GOLGA4: variants seen among roughly 807,000 people sequenced by gnomAD.
The protein encoded by GOLGA4 is golgin subfamily A member 4.
In GOLGA4, 169 loss-of-function variants were observed where a neutral mutation model predicts 265.9. The observed-to-expected ratio is 0.64, with a 90% CI of 0.56 to 0.72. The LOEUF (loss-of-function observed/expected upper bound fraction) is 0.72, where lower values mean the gene tolerates loss of function less well. Among genes scored for constraint, GOLGA4 ranks in the 30% least tolerant of loss-of-function variants. The probability of loss-of-function intolerance (pLI) is 0.00; values close to 1 mark genes in which losing one functional copy is unlikely to be tolerated. For synonymous variants in GOLGA4, 923 were observed against 855.8 expected (o/e 1.08, Z -1.37); for missense variants, 2,482 against 2,483.4 (o/e 1.00, Z 0.01).
chr3:37,278,716 T>C (rs1472808713), intron 2 of GOLGA4, among the ~76,000 whole-genome samples: 1 of 152,160 alleles, frequency 6.6e-6, no homozygotes, highest in Non-Finnish European at 1.5e-5. Context: ...AAAAATGGTA[T>C]TTATTGTGTA....
chr3:37,306,137 T>C (rs968561497), intron 10 of GOLGA4, among the ~76,000 whole-genome samples: 2 of 152,214 alleles, frequency 1.3e-5, no homozygotes, highest in African/African-American at 2.4e-5. Flanking sequence ...TTCAGGATGG[T>C]GTATCAACCT....
chr3:37,246,695 G>A (rs2096720609), intron 1 of GOLGA4, among the ~76,000 whole-genome samples: 1 of 152,192 alleles, frequency 6.6e-6, no homozygotes, highest in Non-Finnish European at 1.5e-5. Flanking sequence ...GGATGGTGGT[G>A]ATTCCACAAC....
At chr3:37,297,784 T>C (rs567386823) in intron 7 of GOLGA4, among the ~76,000 whole-genome samples, 3 of 152,246 alleles carry the variant, frequency 2.0e-5, no homozygotes, top group African/African-American at 7.2e-5. Flanking sequence ...CCCAACACTT[T>C]GGGAGGCTGA....
chr3:37,306,340 G>A (rs1160307802), intron 10 of GOLGA4, among the ~76,000 whole-genome samples: 1 of 152,156 alleles, frequency 6.6e-6, no homozygotes, highest in Non-Finnish European at 1.5e-5. Context: ...AGAACAGATG[G>A]TCATATCTTC....
In GOLGA4 at chr3:37,327,717, A is replaced by C. The variant is rs1288003869; in HGVS notation, c.5831A>C (p.Lys1944Thr). ...GAEREKQKLG[K>T]EIVRLQKDLR... Reference sequence around the variant, plus strand: ...GAACGGGAGAAACAGAAACTGGGCAAGGAGATTGTTAGATTGCAGAAAGAC... The same window carrying C: ...GAACGGGAGAAACAGAAACTGGGCACGGAGATTGTTAGATTGCAGAAAGAC... The change falls in exon 14 of 24, where the codon AAG becomes ACG. Residue 1944 changes from lysine to threonine, a missense_variant. Physicochemically the swap from Lys to Thr is moderately conservative, Grantham distance 78. Coordinates refer to ENST00000361924, the MANE Select transcript of GOLGA4 (RefSeq NM_002078.5). 3 of 1,613,816 alleles carry C rather than the reference A, an allele frequency of 1.9e-6. No individual in the cohort carries two copies. Among genetic ancestry groups the C allele is most frequent in the Non-Finnish European group, 2.5e-6 (3 of 1,179,828 alleles).
At chr3:37,364,641 C>T (rs1477638470) in intron 23 of GOLGA4, among the ~76,000 whole-genome samples, 1 of 150,368 alleles carries the variant, frequency 6.7e-6, no homozygotes, top group Non-Finnish European at 1.5e-5. Context: ...GCCTAGAGTG[C>T]AGTGGCGTGA....
chr3:37,331,173 C>A (rs931510202), intron 16 of GOLGA4, among the ~76,000 whole-genome samples: 28 of 151,852 alleles, frequency 1.8e-4, no homozygotes, highest in African/African-American at 6.5e-4. Flanking sequence ...AACCAAAATA[C>A]TATCATTTCA....
rs538850316 is a variant in GOLGA4 at position 37,299,295 on chromosome 3, A to G, written c.1010A>G (p.His337Arg). ...TTTAAAAATTTTTTTTAGGACCTTC[A>G]TATGGCCGAGAAGACTAAACTTATC... Reference protein sequence around the residue: ...LQELEKIKDLHMAEKTKLITQ... With the variant: ...LQELEKIKDLRMAEKTKLITQ... Residue 337 changes from histidine to arginine, a missense_variant, in exon 9 of 24, where the codon CAT becomes CGT. By Grantham distance (29) the His-to-Arg change is conservative. Coordinates refer to ENST00000361924, the MANE Select transcript of GOLGA4 (RefSeq NM_002078.5). 3 of 1,609,404 alleles carry G rather than the reference A, an allele frequency of 1.9e-6. No homozygotes were observed. The highest frequency in any genetic ancestry group is 2.6e-6 in the Non-Finnish European group (3 of 1,176,056).
intron 2 of GOLGA4, among the ~76,000 whole-genome samples, chr3:37,264,985 C>T (rs2096779763): frequency 6.6e-6 from 1 of 152,000 alleles, no homozygotes; most frequent in African/African-American, 2.4e-5. Flanking sequence ...GCCCTATATA[C>T]CCATCACCCA....
At position 37,276,267 on chromosome 3, in the gene GOLGA4, G is replaced by A. The variant is rs138786464; in HGVS notation, c.163-5691G>A. On this transcript the variant is annotated intron_variant, in intron 2 of 23. Coordinates refer to ENST00000361924, the MANE Select transcript of GOLGA4 (RefSeq NM_002078.5). ...GACATGAAATACAAAAATAGAGTAC[G>A]AAGTAGGATATCAAATCTTAAAGAT... The A allele has an allele frequency of 1.9e-3, 3,003 of 1,564,788 alleles. 57 individuals carry two copies. In the African/African-American group the frequency reaches 0.034, roughly 18 times the overall value.
intron 6 of GOLGA4, among the ~76,000 whole-genome samples, chr3:37,295,687 T>C (rs965635355): frequency 2.6e-5 from 4 of 152,264 alleles, no homozygotes; most frequent in Admixed American, 6.5e-5. Flanking sequence ...CTCTCTGTTT[T>C]AAATAAAGTA....
At chr3:37,347,975 T>G (rs78271898) in intron 21 of GOLGA4, among the ~76,000 whole-genome samples, 2,292 of 152,284 alleles carry the variant, frequency 0.015, 67 homozygotes, top group African/African-American at 0.052. Context: ...TCAAACAAAA[T>G]TTTTCATTTA....
chr3:37,304,258 G>A (rs2096900573), intron 10 of GOLGA4, among the ~76,000 whole-genome samples: 1 of 152,290 alleles, frequency 6.6e-6, no homozygotes, highest in Admixed American at 6.5e-5. Flanking sequence ...TTATAAACCA[G>A]ATTTTAAGGT....
chr3:37,342,019 A>G (rs1287178028), intron 20 of GOLGA4, among the ~76,000 whole-genome samples: 5 of 152,138 alleles, frequency 3.3e-5, no homozygotes, highest in African/African-American at 9.7e-5. Context: ...CAGTATGTAC[A>G]TTAATCTCTT....
At chr3:37,353,426 C>A (rs999262858) in intron 21 of GOLGA4, among the ~76,000 whole-genome samples, 2 of 152,018 alleles carry the variant, frequency 1.3e-5, no homozygotes, top group Non-Finnish European at 2.9e-5. Flanking sequence ...TACTTGGTTT[C>A]TAGACTTCAG....
intron 2 of GOLGA4, 127 bp downstream of exon 2, chr3:37,251,611 G>A: frequency 3.8e-6 from 2 of 521,734 alleles, no homozygotes; most frequent in South Asian, 4.8e-5. Flanking sequence ...GTTTTTATTA[G>A]TAACACAATT....
intron 5 of GOLGA4, among the ~76,000 whole-genome samples, chr3:37,290,195 T>G (rs2096861209): frequency 6.6e-6 from 1 of 152,192 alleles, no homozygotes; most frequent in Admixed American, 6.5e-5. Context: ...AAAACTAGTA[T>G]AATTGTGGGA....
chr3:37,299,207 A>G (rs1024463724), intron 8 of GOLGA4, 81 bp from the exon 9 acceptor site: 2 of 999,816 alleles, frequency 2.0e-6, no homozygotes, highest in African/African-American at 3.2e-5. Flanking sequence ...TAACATGTAT[A>G]TAAATTAGAT....
intron 22 of GOLGA4, among the ~76,000 whole-genome samples, chr3:37,355,748 C>A (rs2097089321): frequency 6.6e-6 from 1 of 152,088 alleles, no homozygotes; most frequent in Admixed American, 6.6e-5. Context: ...ATAAAAAATT[C>A]TCCATGCCAA....
Sources: gnomAD v4.1 joint callset for allele counts (sites outside exome capture counted in the v4.1 genomes callset) on GRCh38, gnomAD v4.1.1 for gene constraint, MANE v1.5 for transcripts, NCBI Gene and HGNC (gene_info 2026-07-23, HGNC 2026-07-21) for gene names.